MYO1C: variants seen among roughly 807,000 people sequenced by gnomAD.
MYO1C encodes the protein unconventional myosin-Ic.
A neutral mutation model predicts 150.8 loss-of-function variants in MYO1C; 104 were observed. The observed-to-expected ratio is 0.69, with a 90% CI of 0.59 to 0.81. MYO1C has a LOEUF of 0.81. Ranked by LOEUF, MYO1C falls within the 30% of genes least tolerant of loss-of-function variation. The probability of loss-of-function intolerance (pLI) is 0.00; values close to 1 mark genes in which losing one functional copy is unlikely to be tolerated. For missense variants in MYO1C, 1,504 were observed against 1,435.0 expected (o/e 1.05, Z -0.78); for synonymous variants, 663 against 579.9 (o/e 1.14, Z -2.06).
chr17:1,474,373 A>C (rs998626312), intron 17 of MYO1C, among the ~76,000 whole-genome samples: 32 of 149,490 alleles, frequency 2.1e-4, no homozygotes, highest in Non-Finnish European at 4.6e-4. Context: ...GGTTGCAGTG[A>C]GCCCAGATTG....
rs973618540 is a variant in MYO1C at position 1,469,400 on chromosome 17, GGGTAAATACGGTAGAACGC to G, written c.2610+112_2610+130del. ...AGACCAGGGTAAATACGGTAGATCG[GGGTAAATACGGTAGAACGC>G]GGTAAATACGGTAGACCGGGGTAAA... On this transcript the variant is annotated intron_variant, in intron 25 of 31. Coordinates refer to ENST00000648651, the MANE Select transcript of MYO1C (RefSeq NM_001080779.2). 24 of 896,048 alleles carry G rather than the reference GGGTAAATACGGTAGAACGC, an allele frequency of 2.7e-5. No homozygotes were observed. The East Asian group carries it at 2.9e-4, about 11-fold the overall frequency. 55.5% of individuals were successfully genotyped at this position (896,048 alleles called of 1,614,324 possible).
intron 1 of MYO1C, chr17:1,487,053 C>T (rs375665408): frequency 6.6e-6 from 1 of 152,404 alleles, no homozygotes; most frequent in East Asian, 1.9e-4. Flanking sequence ...AGTCACTTAA[C>T]GTTTCGGCTT....
At position 1,479,544 on chromosome 17, in the gene MYO1C, G is replaced by GCCCCCCCCCCC; in HGVS notation, c.1021-43_1021-42insGGGGGGGGGGG. ...AGGACACGGTGAGGGTGCACCCCCA[G>GCCCCCCCCCCC]CCCCCGCCCCCGCCGTCCTCCCGTC... is the stretch of plus-strand genomic sequence containing the variant. On this transcript the variant is annotated intron_variant, in intron 8 of 31. Transcript: ENST00000648651. The surrounding 1 kb of genome is among the most constrained non-coding windows in gnomAD (Gnocchi z 4.2). 1.7e-6 allele frequency: 2 copies of GCCCCCCCCCCC among 1,175,170 alleles called. No homozygotes were observed. Among genetic ancestry groups the GCCCCCCCCCCC allele is most frequent in the Non-Finnish European group, 2.5e-6 (2 of 804,194 alleles). The allele number at this position is 1,175,170 out of a possible 1,614,324, so 72.8% of individuals were successfully genotyped here. A position where few individuals can be genotyped will look rare whatever the true frequency, so the allele number is the denominator to read the frequency against.
At chr17:1,472,256 G>A (rs1435076798) in intron 17 of MYO1C, 28 bp from the exon 18 acceptor site, 2 of 1,603,272 alleles carry the variant, frequency 1.2e-6, no homozygotes, top group African/African-American at 2.7e-5. Flanking sequence ...ATGGGAGGTT[G>A]GCCGGAGCTG....
In MYO1C at chr17:1,483,025, G is replaced by A. The variant is rs369944681; in HGVS notation, c.382C>T (p.Arg128Cys). 59 of 1,611,174 alleles carry A rather than the reference G, an allele frequency of 3.7e-5. No homozygotes were observed. Among genetic ancestry groups the A allele is most frequent in the East Asian group, 6.7e-5 (3 of 44,848 alleles). ...ACAGCCTGGTCCCGACGCTCCGTGC[G>A]CAGTGCTCGGTACACAGTGTCCGCC... ...AVADTVYRALRTERRDQAVMI... is the reference protein window; with the variant it reads ...AVADTVYRALCTERRDQAVMI... Residue 128 changes from arginine (R) to cysteine (C), a missense_variant, in exon 4 of 32, where the codon CGC (arginine) becomes TGC (cysteine). Physicochemically the swap from Arg to Cys is radical, Grantham distance 180 (BLOSUM62 -3). Transcript: ENST00000648651.
Position 1,464,259 on chromosome 17 carries a change from G to A in MYO1C, c.*1467C>T, listed in dbSNP as rs564981961. On this transcript the variant is annotated 3_prime_UTR_variant, in exon 32 of 32. Transcript: ENST00000648651. The stretch of plus-strand genomic sequence containing the variant: ...TGTCAGCAGTGGGCTGAGACCCCCA[G>A]AAGGGCATAGAGGCAGCTGGGCAGC... The A allele has an allele frequency of 2.0e-5, 3 of 152,808 alleles. No homozygotes were observed. Among genetic ancestry groups the A allele is most frequent in the South Asian group, 2.1e-4 (1 of 4,830 alleles). 9.5% of individuals were successfully genotyped at this position (152,808 alleles called of 1,614,324 possible). A position where few individuals can be genotyped will look rare whatever the true frequency, so the allele number is the denominator to read the frequency against.
chr17:1,465,730 C>A lies in MYO1C; in HGVS notation c.3188G>T (p.Arg1063Leu). The A allele has an allele frequency of 7.5e-7, 1 of 1,325,962 alleles. No individual in the cohort carries two copies. The highest frequency in any genetic ancestry group is 9.7e-7 in the Non-Finnish European group (1 of 1,028,158). The allele number at this position is 1,325,962 out of a possible 1,614,324, so 82.1% of individuals were successfully genotyped here. A position where few individuals can be genotyped will look rare whatever the true frequency, so the allele number is the denominator to read the frequency against. ...AGGGTCCAGTGGGCGCCTTTATCAC[C>A]GAGAATTCAGCCGTGGGGCGACCTG... ...LAVVAPRLNS[R>L] is the part of the protein sequence containing the mutation. The change falls in exon 32 of 32, where the codon CGG becomes CTG. Residue 1063 changes from arginine (R) to leucine (L), a missense_variant. Arg to Leu is a moderately radical substitution (Grantham distance 102). Transcript: ENST00000648651.
chr17:1,492,308 C>T (rs906552320), intron 1 of MYO1C, 105 bp downstream of exon 1: 49 of 1,157,616 alleles, frequency 4.2e-5, no homozygotes, highest in Non-Finnish European at 5.9e-5. Flanking sequence ...GGATCGGAAC[C>T]CCTCCCCGCT....
intron 2 of MYO1C, 42 bp from the exon 3 acceptor site, chr17:1,483,767 G>C (rs2074589583): frequency 1.4e-6 from 2 of 1,475,954 alleles, no homozygotes; most frequent in Admixed American, 3.8e-5. Flanking sequence ...TCCCGGGCCA[G>C]GTGCGATGGC....
intron 1 of MYO1C, chr17:1,484,558 C>T (rs1398489490): frequency 6.8e-6 from 4 of 592,460 alleles, no homozygotes; most frequent in Non-Finnish European, 1.2e-5. Context: ...GGGCACAGAA[C>T]AGAGACAACA....
Position 1,474,900 on chromosome 17 carries a change from C to T in MYO1C, c.1669+38G>A, listed in dbSNP as rs767509676. 1.6e-5 allele frequency: 25 copies of T among 1,612,636 alleles called. No homozygotes were observed. The East Asian group carries it at 3.3e-4, about 22-fold the overall frequency. On this transcript the variant is annotated intron_variant, in intron 15 of 31. Coordinates refer to ENST00000648651, the MANE Select transcript of MYO1C (RefSeq NM_001080779.2). ...GACGTGAGGTGAGACAGAGCCTCCC[C>T]GCAGGCCCCTGTGGGGACACAGCCC...
At chr17:1,480,237 G>A (rs369299616) in intron 7 of MYO1C, among the ~76,000 whole-genome samples, 71 of 150,978 alleles carry the variant, frequency 4.7e-4, no homozygotes, top group African/African-American at 1.3e-3. Flanking sequence ...ACCTGAGGTC[G>A]GGAGTTCGAG....
In MYO1C at chr17:1,483,022, T is replaced by C. The variant is rs964897497; in HGVS notation, c.385A>G (p.Thr129Ala). The C allele has an allele frequency of 6.2e-7, 1 of 1,611,594 alleles. No individual in the cohort carries two copies. Among genetic ancestry groups the C allele is most frequent in the Admixed American group, 1.7e-5 (1 of 59,948 alleles). ...VADTVYRALRTERRDQAVMIS... is the reference protein window; with the variant it reads ...VADTVYRALRAERRDQAVMIS... ...ATCACAGCCTGGTCCCGACGCTCCGTGCGCAGTGCTCGGTACACAGTGTCC... is the reference window on the plus strand; with the variant it reads ...ATCACAGCCTGGTCCCGACGCTCCGCGCGCAGTGCTCGGTACACAGTGTCC... The change falls in exon 4 of 32, where the codon ACG (threonine) becomes GCG (alanine). Residue 129 changes from threonine to alanine, a missense_variant. Coordinates refer to ENST00000648651, the MANE Select transcript of MYO1C (RefSeq NM_001080779.2).
chr17:1,469,201 T>TATGGTAGGCAGGGCAAAA (rs1479445440), intron 25 of MYO1C: 1 of 385,692 alleles, frequency 2.6e-6, no homozygotes, highest in African/African-American at 2.1e-5. Context: ...GCGGGGTAAA[T>TATGGTAGGCAGGGCAAAA]ATGGTAGGCA....
chr17:1,482,421 T>C, intron 5 of MYO1C, 57 bp downstream of exon 5: 1 of 1,487,628 alleles, frequency 6.7e-7, no homozygotes, highest in Non-Finnish European at 9.4e-7. Flanking sequence ...CAGTAGGTGC[T>C]TCACACGTGT....
At chr17:1,491,878 G>T in intron 1 of MYO1C, 1 of 165,960 alleles carries the variant, frequency 6.0e-6, no homozygotes, top group Non-Finnish European at 1.2e-5. Context: ...CCGGCTCCCC[G>T]CCGCGCTGCT....
Position 1,492,570 on chromosome 17 carries a change from C to T in MYO1C, c.-83G>A, listed in dbSNP as rs1036364670. ...GCCCACTGGCGGGCTCCGACCACTC[C>T]GGGACCAGGAACCTACGGTCTAACG... is the stretch of plus-strand genomic sequence containing the variant. On this transcript the variant is annotated 5_prime_UTR_variant, in exon 1 of 32. Coordinates refer to ENST00000648651, the MANE Select transcript of MYO1C (RefSeq NM_001080779.2). The T allele has an allele frequency of 3.8e-6, 5 of 1,330,340 alleles. No homozygotes were observed. Among genetic ancestry groups the T allele is most frequent in the Non-Finnish European group, 5.3e-6 (5 of 948,510 alleles). The allele number at this position is 1,330,340 out of a possible 1,614,324, so 82.4% of individuals were successfully genotyped here. A position where few individuals can be genotyped will look rare whatever the true frequency, so the allele number is the denominator to read the frequency against.
chr17:1,488,201 C>T (rs950703395), intron 1 of MYO1C, among the ~76,000 whole-genome samples: 1 of 152,100 alleles, frequency 6.6e-6, no homozygotes, highest in Non-Finnish European at 1.5e-5. Flanking sequence ...AATCCGCGCG[C>T]GGAGGGGTCG....
chr17:1,481,020 C>T (rs754810793), intron 5 of MYO1C, 135 bp from the exon 6 acceptor site: 81 of 928,854 alleles, frequency 8.7e-5, no homozygotes, highest in South Asian at 1.1e-4. Context: ...CTAGCTGCGT[C>T]GGCTCAGGCA....
Sources: allele counts gnomAD v4.1 joint callset (sites outside exome capture counted in the v4.1 genomes callset), GRCh38; gene constraint gnomAD v4.1.1; non-coding constraint Gnocchi (gnomAD v3.1); transcripts MANE v1.5; gene names NCBI Gene and HGNC (gene_info 2026-07-23, HGNC 2026-07-21).